CCSER1: variants seen among roughly 807,000 people sequenced by gnomAD.
CCSER1 encodes coiled-coil serine rich protein 1, also known as serine-rich coiled-coil domain-containing protein 1.
A neutral mutation model predicts 82.0 loss-of-function variants in CCSER1; 41 were observed. The ratio of observed to expected loss-of-function variants is 0.50; its 90% CI spans 0.39 to 0.65. The LOEUF is 0.65. Ranked by LOEUF, CCSER1 falls within the 30% of genes least tolerant of loss-of-function variation. The pLI is 0.00. For missense variants in CCSER1, 1,119 were observed against 1,064.2 expected (o/e 1.05, Z -0.72); for synonymous variants, 414 against 383.9 (o/e 1.08, Z -0.92).
chr4:91,211,828 G>A (rs1736846000), intron 10 of CCSER1, among the ~76,000 whole-genome samples: 1 of 150,810 alleles, frequency 6.6e-6, no homozygotes, highest in African/African-American at 2.5e-5. Context: ...GTAGTAAATA[G>A]TGATAGAAAA....
intron 10 of CCSER1, among the ~76,000 whole-genome samples, chr4:91,483,584 T>C (rs1348995647): frequency 6.6e-6 from 1 of 151,914 alleles, no homozygotes; most frequent in Non-Finnish European, 1.5e-5. Context: ...TACAGGCACC[T>C]GCCACCATTC....
At chr4:91,584,600 G>C (rs1763897350) in intron 10 of CCSER1, among the ~76,000 whole-genome samples, 1 of 151,302 alleles carries the variant, frequency 6.6e-6, no homozygotes, top group South Asian at 2.1e-4. Flanking sequence ...ACTAGTAAAA[G>C]TTTTGTTTTA....
intron 10 of CCSER1, among the ~76,000 whole-genome samples, chr4:91,098,081 C>G (rs984001347): frequency 1.3e-5 from 2 of 152,134 alleles, no homozygotes; most frequent in Admixed American, 6.5e-5. Flanking sequence ...GTACTCTTTT[C>G]CCAGCCCTGT....
At chr4:90,986,567 G>A (rs1736594506) in intron 9 of CCSER1, among the ~76,000 whole-genome samples, 1 of 151,686 alleles carries the variant, frequency 6.6e-6, no homozygotes, top group Non-Finnish European at 1.5e-5. Flanking sequence ...AAGTGAATTG[G>A]AGAGGAAAAT....
intron 10 of CCSER1, among the ~76,000 whole-genome samples, chr4:91,432,800 G>A (rs192027181): frequency 1.8e-4 from 27 of 152,042 alleles, no homozygotes; most frequent in Admixed American, 4.6e-4. Flanking sequence ...TATATTTCCC[G>A]TTTTAAAAAA....
At chr4:91,545,468 A>G (rs1030783017) in intron 10 of CCSER1, among the ~76,000 whole-genome samples, 2 of 152,122 alleles carry the variant, frequency 1.3e-5, no homozygotes, top group African/African-American at 4.8e-5. Context: ...CCCTCCATTC[A>G]CTACAGTTTT....
chr4:90,965,293 T>C (rs917892289), intron 9 of CCSER1, among the ~76,000 whole-genome samples: 4 of 152,046 alleles, frequency 2.6e-5, no homozygotes, highest in African/African-American at 4.8e-5. Context: ...AAAGGCTTCT[T>C]ATAAATTCTC....
At chr4:90,352,046 C>T (rs997334069) in intron 3 of CCSER1, among the ~76,000 whole-genome samples, 12 of 152,114 alleles carry the variant, frequency 7.9e-5, no homozygotes, top group Non-Finnish European at 1.5e-4. Flanking sequence ...GAGATTAGGC[C>T]GGGCGCAGCG....
chr4:91,499,820 G>C (rs187892472), intron 10 of CCSER1, among the ~76,000 whole-genome samples: 4 of 151,880 alleles, frequency 2.6e-5, no homozygotes, highest in Non-Finnish European at 5.9e-5. Context: ...ATTCATTTGT[G>C]TTTAGTGATG....
chr4:90,670,727 T>A (rs1210055355), intron 6 of CCSER1, among the ~76,000 whole-genome samples: 2 of 152,034 alleles, frequency 1.3e-5, no homozygotes, highest in East Asian at 3.9e-4. Flanking sequence ...AATTTCACAA[T>A]GTTCAATCAT....
At chr4:91,366,038 G>A (rs1749590774) in intron 10 of CCSER1, among the ~76,000 whole-genome samples, 1 of 152,152 alleles carries the variant, frequency 6.6e-6, no homozygotes, top group African/African-American at 2.4e-5. Context: ...GTAGGGGTGA[G>A]ATGGAGTTTT....
chr4:91,520,490 A>C (rs1303243356), intron 10 of CCSER1, among the ~76,000 whole-genome samples: 1 of 152,114 alleles, frequency 6.6e-6, no homozygotes, highest in African/African-American at 2.4e-5. Flanking sequence ...ACAATCTATC[A>C]ACTTGGTTTT....
At chr4:90,593,166 A>G (rs957578196) in intron 5 of CCSER1, among the ~76,000 whole-genome samples, 2 of 152,146 alleles carry the variant, frequency 1.3e-5, no homozygotes, top group Non-Finnish European at 2.9e-5. Flanking sequence ...TAATCACATC[A>G]TAGGAAAACT....
intron 8 of CCSER1, among the ~76,000 whole-genome samples, chr4:90,844,201 A>AATAT (rs370614612): frequency 8.6e-5 from 13 of 150,444 alleles, no homozygotes; most frequent in African/African-American, 2.9e-4. Flanking sequence ...ATAGATTGAG[A>AATAT]ATATATATAT....
intron 9 of CCSER1, 173 bp downstream of exon 9, chr4:90,923,620 G>T: frequency 1.9e-6 from 1 of 517,592 alleles, no homozygotes; most frequent in South Asian, 2.9e-5. Context: ...TAAAAAAGAT[G>T]ATTACAGGCA....
intron 10 of CCSER1, among the ~76,000 whole-genome samples, chr4:91,441,152 G>A (rs1284301761): frequency 6.6e-6 from 1 of 152,070 alleles, no homozygotes; most frequent in Non-Finnish European, 1.5e-5. Flanking sequence ...CCAAAGCCAG[G>A]CAGAGACACA....
At chr4:91,169,477 C>T (rs1270511925) in intron 10 of CCSER1, among the ~76,000 whole-genome samples, 3 of 152,046 alleles carry the variant, frequency 2.0e-5, no homozygotes, top group South Asian at 2.1e-4. Flanking sequence ...AAAAATTAGC[C>T]AGGCATGGTG....
chr4:91,031,176 T>C (rs1291554936), intron 9 of CCSER1, among the ~76,000 whole-genome samples: 2 of 152,190 alleles, frequency 1.3e-5, no homozygotes, highest in Non-Finnish European at 2.9e-5. Flanking sequence ...CTATTACAGA[T>C]GTCACTGCCT....
At chr4:91,250,297 A>G in intron 10 of CCSER1, among the ~76,000 whole-genome samples, 1 of 152,216 alleles carries the variant, frequency 6.6e-6, no homozygotes, top group South Asian at 2.1e-4. Context: ...GCAGTTTACA[A>G]CAGATACTAC....
Sources: allele counts gnomAD v4.1 joint callset (sites outside exome capture counted in the v4.1 genomes callset), GRCh38; gene constraint gnomAD v4.1.1; transcripts MANE v1.5; gene names NCBI Gene and HGNC (gene_info 2026-07-23, HGNC 2026-07-21).